Variants in NFX1 observed in about 807,000 individuals in gnomAD.
NFX1 encodes nuclear transcription factor, X-box binding 1.
In NFX1, 69 loss-of-function variants were observed where a neutral mutation model predicts 137.2. The observed-to-expected ratio is 0.50, with a 90% confidence interval of 0.41 to 0.61. The LOEUF is 0.61. Among genes scored for constraint, NFX1 ranks in the 20% least tolerant of loss-of-function variants. The pLI, the probability that NFX1 is intolerant of heterozygous loss-of-function variation, is 0.00. For synonymous variants in NFX1, 495 were observed against 474.1 expected (o/e 1.04, Z -0.57); for missense variants, 1,167 against 1,391.0 (o/e 0.84, Z 2.56).
intron 18 of NFX1, 109 bp from the exon 19 acceptor site, chr9:33,354,742 T>C (rs763002693): frequency 2.3e-5 from 23 of 1,015,880 alleles, no homozygotes; most frequent in African/African-American, 3.3e-5. Flanking sequence ...GATTGTTTTT[T>C]GGCAAGAGTC....
rs539254224 is a variant in NFX1 at position 33,360,613 on chromosome 9, A to C, written c.2874-3397A>C. Among the ~76,000 whole-genome samples the C allele has an allele frequency of 1.5e-4, 23 of 152,344 alleles. No individual in the cohort carries two copies. In the South Asian group the frequency reaches 4.8e-3, roughly 32 times the overall value. On this transcript the variant is annotated intron_variant, in intron 19 of 23. Transcript: ENST00000379540. ...GAAAAGTCCATCTAAAGTTATATCTATATATACACACACATATATACACGC... is the reference window on the plus strand; with the variant it reads ...GAAAAGTCCATCTAAAGTTATATCTCTATATACACACACATATATACACGC...
chr9:33,352,591 T>C (rs866415899), intron 16 of NFX1, 55 bp from the exon 17 acceptor site: 5 of 1,456,346 alleles, frequency 3.4e-6, no homozygotes, highest in African/African-American at 2.8e-5. Flanking sequence ...TGAAAAGTGC[T>C]TTATTCACAT....
intron 7 of NFX1, among the ~76,000 whole-genome samples, chr9:33,316,431 T>A (rs1822166053): frequency 6.6e-6 from 1 of 152,154 alleles, no homozygotes; most frequent in Non-Finnish European, 1.5e-5. Flanking sequence ...CAGCTGTTTT[T>A]AGCTCTTGAT....
intron 4 of NFX1, among the ~76,000 whole-genome samples, chr9:33,304,187 G>C (rs1821674159): frequency 6.6e-6 from 1 of 152,150 alleles, no homozygotes; most frequent in African/African-American, 2.4e-5. Context: ...GCTTGAACCT[G>C]GGAGGCAGAG....
intron 19 of NFX1, among the ~76,000 whole-genome samples, chr9:33,361,796 A>T (rs1823999594): frequency 6.6e-6 from 1 of 150,516 alleles, no homozygotes; most frequent in Non-Finnish European, 1.5e-5. Context: ...CATCTCCAAA[A>T]ATATATATAT....
At chr9:33,350,303 CA>C (rs35938162) in intron 15 of NFX1, among the ~76,000 whole-genome samples, 161 of 53,390 alleles carry the variant, frequency 3.0e-3, no homozygotes, top group Non-Finnish European at 3.8e-3. Context: ...GACTCCATCT[CA>C]AAAAAAAAAA....
At chr9:33,367,228 C>T (rs1312864881) in intron 22 of NFX1, among the ~76,000 whole-genome samples, 1 of 152,128 alleles carries the variant, frequency 6.6e-6, no homozygotes, top group Admixed American at 6.5e-5. Flanking sequence ...AATAATGTGA[C>T]CAGGAGGGGA....
chr9:33,340,477 T>C (rs1823180113), intron 12 of NFX1, among the ~76,000 whole-genome samples: 1 of 152,242 alleles, frequency 6.6e-6, no homozygotes, highest in African/African-American at 2.4e-5. Context: ...AGGCCTGTCA[T>C]GGAAGGGGCT....
chr9:33,327,509 T>A (rs62542725), intron 9 of NFX1, among the ~76,000 whole-genome samples: 8,499 of 152,120 alleles, frequency 0.056, 261 homozygotes, highest in East Asian at 0.095. Context: ...GGATTACAGG[T>A]GGGCGCCACC....
intron 5 of NFX1, among the ~76,000 whole-genome samples, chr9:33,308,790 A>G (rs1821855064): frequency 6.6e-6 from 1 of 152,204 alleles, no homozygotes; most frequent in Admixed American, 6.5e-5. Flanking sequence ...CCCAAATCTA[A>G]GAGTAAACCA....
intron 3 of NFX1, among the ~76,000 whole-genome samples, chr9:33,302,139 T>C: frequency 6.6e-6 from 1 of 152,186 alleles, no homozygotes; most frequent in Non-Finnish European, 1.5e-5. Flanking sequence ...AGTTTACATG[T>C]TTATGGGGTA....
chr9:33,346,615 T>C (rs1240992743), intron 14 of NFX1, among the ~76,000 whole-genome samples: 1 of 152,114 alleles, frequency 6.6e-6, no homozygotes, highest in Non-Finnish European at 1.5e-5. Context: ...TTGATGAACC[T>C]CCCCTTATAG....
chr9:33,326,264 T>G (rs918159617), intron 9 of NFX1, among the ~76,000 whole-genome samples: 1 of 151,656 alleles, frequency 6.6e-6, no homozygotes, highest in Non-Finnish European at 1.5e-5. Context: ...AATACAAAAA[T>G]TAGTGTGGTG....
chr9:33,311,286 A>G (rs1821950598), intron 6 of NFX1, 109 bp downstream of exon 6: 2 of 1,007,264 alleles, frequency 2.0e-6, no homozygotes, highest in Non-Finnish European at 3.1e-6. Flanking sequence ...AATGGTAGGC[A>G]TGAATAGTAC....
chr9:33,342,869 T>C lies in NFX1; in HGVS notation c.2224+15T>C, dbSNP rs1350194286. Reference sequence around the variant, plus strand: ...CTGGCAAGCCAGTGAGTGTCTTTACTGTATAGTTTATTAGAAGAGTTTTTT... The same window carrying C: ...CTGGCAAGCCAGTGAGTGTCTTTACCGTATAGTTTATTAGAAGAGTTTTTT... On this transcript the variant is annotated intron_variant, in intron 13 of 23. Transcript: ENST00000379540. 3 of 1,550,320 alleles carry C rather than the reference T, an allele frequency of 1.9e-6. No homozygotes were observed. Among genetic ancestry groups the C allele is most frequent in the Admixed American group, 1.8e-5 (1 of 54,932 alleles).
intron 6 of NFX1, among the ~76,000 whole-genome samples, chr9:33,311,733 A>G (rs371092693): frequency 7.9e-5 from 12 of 152,230 alleles, no homozygotes; most frequent in African/African-American, 2.2e-4. Flanking sequence ...TTGTATTTTT[A>G]GTAGAGATGG....
intron 19 of NFX1, among the ~76,000 whole-genome samples, chr9:33,358,796 G>A (rs1823900891): frequency 6.6e-6 from 1 of 151,240 alleles, no homozygotes; most frequent in Admixed American, 6.6e-5. Context: ...CAAGTAGCTG[G>A]AACTGCAAGT....
intron 20 of NFX1, 94 bp downstream of exon 20, chr9:33,364,202 A>T: frequency 1.4e-6 from 1 of 724,594 alleles, no homozygotes; most frequent in Non-Finnish European, 2.2e-6. Context: ...TCCTGTGATT[A>T]AGCCAGTTCA....
At position 33,351,613 on chromosome 9, in the gene NFX1, C is replaced by A; in HGVS notation, c.2478C>A (p.Cys826Ter). The A allele has an allele frequency of 6.2e-7, 1 of 1,614,226 alleles. No homozygotes were observed. The highest frequency in any genetic ancestry group is 1.1e-5 in the South Asian group (1 of 91,086). Residue 826 changes from cysteine to a stop codon, truncating the protein, a stop_gained, in exon 16 of 24, where the codon TGC becomes TGA. Transcript: ENST00000379540. LOFTEE classifies it high-confidence loss of function. ...TTGATATCTCTTGCGGATTACCCTG[C>A]AGTGCCACGCTACCATGTGGGATGC... ...HLVDISCGLP[C>*]SATLPCGMHK...
Sources: allele counts gnomAD v4.1 joint callset (sites outside exome capture counted in the v4.1 genomes callset), GRCh38; gene constraint gnomAD v4.1.1; transcripts MANE v1.5; gene names NCBI Gene and HGNC (gene_info 2026-07-23, HGNC 2026-07-21).